The following KHDRBS2 variants were observed in gnomAD, a reference collection of about 807,000 sequenced individuals.
KHDRBS2 encodes the protein KH domain-containing, RNA-binding, signal transduction-associated protein 2.
In KHDRBS2, 26 loss-of-function variants were observed where a neutral mutation model predicts 44.3. That is an observed-to-expected ratio of 0.59 (90% CI 0.43 to 0.81). KHDRBS2 has a LOEUF of 0.81. Ranked by LOEUF, KHDRBS2 falls within the 40% of genes least tolerant of loss-of-function variation. The pLI is 0.00. For missense variants in KHDRBS2, 476 were observed against 433.1 expected (o/e 1.10, Z -0.88); for synonymous variants, 194 against 151.1 (o/e 1.28, Z -2.08).
chr6:61,677,833 C>G (rs1427174452), downstream of KHDRBS2, among the ~76,000 whole-genome samples: 1 of 151,828 alleles, frequency 6.6e-6, no homozygotes, highest in Non-Finnish European at 1.5e-5. Flanking sequence ...ACTGAGACAG[C>G]CTATTCCCCT....
chr6:62,063,203 C>A (rs200686501), intron 2 of KHDRBS2, among the ~76,000 whole-genome samples: 10,482 of 90,580 alleles, frequency 0.12, 395 homozygotes, highest in Middle Eastern at 0.2. Flanking sequence ...CAGAGGTACA[C>A]GGAGGAACTG....
intron 1 of KHDRBS2, among the ~76,000 whole-genome samples, chr6:62,258,329 G>A (rs1585466231): frequency 1.3e-5 from 2 of 152,096 alleles, no homozygotes; most frequent in East Asian, 3.9e-4. Context: ...GTGGTTTAAT[G>A]GTTAATACGG....
chr6:62,076,509 G>T (rs899305217), intron 2 of KHDRBS2, among the ~76,000 whole-genome samples: 1 of 152,028 alleles, frequency 6.6e-6, no homozygotes. Flanking sequence ...GTTGGTTGTA[G>T]TGAAATGTGG....
intron 1 of KHDRBS2, among the ~76,000 whole-genome samples, chr6:62,283,349 C>CTGTCA (rs1205663538): frequency 1.5e-3 from 228 of 152,244 alleles, no homozygotes; most frequent in African/African-American, 5.3e-3. Context: ...TTCAATTCTA[C>CTGTCA]ATGAAGCACT....
At chr6:61,632,952 A>T in the KHDRBS2 span, among the ~76,000 whole-genome samples, 4 of 152,116 alleles carry the variant, frequency 2.6e-5, no homozygotes, top group African/African-American at 9.7e-5. Flanking sequence ...TTTTGAGGTT[A>T]AAAAAAGAAC....
intron 6 of KHDRBS2, among the ~76,000 whole-genome samples, chr6:61,861,252 C>A (rs1460182342): frequency 2.0e-5 from 3 of 152,128 alleles, no homozygotes; most frequent in South Asian, 4.1e-4. Flanking sequence ...GCTTTTGTTG[C>A]AGTTGCTTTT....
intron 6 of KHDRBS2, among the ~76,000 whole-genome samples, chr6:61,807,146 A>T (rs1354057581): frequency 6.6e-6 from 1 of 152,150 alleles, no homozygotes; most frequent in African/African-American, 2.4e-5. Flanking sequence ...CTAAGTCAGA[A>T]TGGCTATTAC....
chr6:61,695,292 C>A (rs1767785866), intron 8 of KHDRBS2, among the ~76,000 whole-genome samples: 1 of 152,102 alleles, frequency 6.6e-6, no homozygotes, highest in Admixed American at 6.6e-5. Context: ...TGTTCTGTTA[C>A]TGGCAAATTG....
intron 2 of KHDRBS2, among the ~76,000 whole-genome samples, chr6:62,117,234 T>C (rs529925027): frequency 6.6e-6 from 1 of 152,250 alleles, no homozygotes; most frequent in Non-Finnish European, 1.5e-5. Context: ...CTACCAGTCT[T>C]TTCATTTTTC....
intron 1 of KHDRBS2, among the ~76,000 whole-genome samples, chr6:62,243,108 T>TG (rs1834959003): frequency 1.3e-5 from 2 of 152,172 alleles, no homozygotes. Flanking sequence ...ACAATGCAAG[T>TG]TGTTCTAGAA....
chr6:61,550,191 G>C, the KHDRBS2 span, among the ~76,000 whole-genome samples: 1 of 151,800 alleles, frequency 6.6e-6, no homozygotes, highest in Non-Finnish European at 1.5e-5. Context: ...TTCAATCCTC[G>C]CCCTCCTCCC....
At position 61,691,364 on chromosome 6, in the gene KHDRBS2, C is replaced by G. The variant is rs116212622; in HGVS notation, c.952+5831G>C. On this transcript the variant is annotated intron_variant, in intron 8 of 8. Coordinates refer to ENST00000281156, the MANE Select transcript of KHDRBS2 (RefSeq NM_152688.4). ...TTAGATATCAATCTAATGGCAACCC[C>G]TGAAATAGCAAAAAGAGAAAGCTAA... 8.7e-3 allele frequency among the ~76,000 whole-genome samples: 1,317 copies of G among 152,112 alleles called. 17 individuals carry two copies. Among genetic ancestry groups the G allele is most frequent in the African/African-American group, 0.03 (1,258 of 41,538 alleles).
chr6:62,083,010 A>T (rs555596012), intron 2 of KHDRBS2, among the ~76,000 whole-genome samples: 49 of 152,280 alleles, frequency 3.2e-4, no homozygotes, highest in African/African-American at 1.2e-3. Context: ...CTAGTAGAAA[A>T]GGGCAGGGTC....
the KHDRBS2 span, among the ~76,000 whole-genome samples, chr6:61,638,315 A>T: frequency 6.6e-6 from 1 of 152,064 alleles, no homozygotes; most frequent in Non-Finnish European, 1.5e-5. Context: ...AGAGATATAG[A>T]TCAATGGAAC....
downstream of KHDRBS2, among the ~76,000 whole-genome samples, chr6:61,675,866 A>G (rs1028919971): frequency 8.6e-5 from 13 of 151,958 alleles, no homozygotes; most frequent in Admixed American, 6.6e-4. Context: ...ACCAAGAGTT[A>G]GAGCATTATC....
At chr6:61,686,836 A>G (rs1766865712) in intron 8 of KHDRBS2, among the ~76,000 whole-genome samples, 1 of 151,326 alleles carries the variant, frequency 6.6e-6, no homozygotes, top group African/African-American at 2.4e-5. Flanking sequence ...TACTTCCCTT[A>G]AATTATATAA....
At chr6:61,883,289 A>G (rs1214300042) in intron 6 of KHDRBS2, among the ~76,000 whole-genome samples, 1 of 152,062 alleles carries the variant, frequency 6.6e-6, no homozygotes, top group Admixed American at 6.6e-5. Context: ...CCCCGTGTCT[A>G]CAGCACAAAT....
rs1459331810 is a variant in KHDRBS2 at position 62,057,402 on chromosome 6, T to A, written c.220-9408A>T. Among the ~76,000 whole-genome samples the A allele has an allele frequency of 3.3e-5, 5 of 151,982 alleles. No individual in the cohort carries two copies. The East Asian group carries it at 9.7e-4, about 30-fold the overall frequency. ...TGGTTACATATTTCTGATGCTGTTC[T>A]TAGTTCTTGGAAATTTATTTTAAGA... On this transcript the variant is annotated intron_variant, in intron 2 of 8. Transcript: ENST00000281156.
In KHDRBS2 at chr6:62,286,087, C is replaced by A; in HGVS notation, c.-139G>T. On this transcript the variant is annotated 5_prime_UTR_variant, in exon 1 of 9. The change abolishes an upstream ATG in the 5' untranslated region. Coordinates refer to ENST00000281156, the MANE Select transcript of KHDRBS2 (RefSeq NM_152688.4). ...GGATCTCTGTGCGTCCTCACTGGCC[C>A]ATGCACCCAGCACCTGCGACTCCCG... 1.6e-6 allele frequency: 1 copy of A among 631,852 alleles called. No individual in the cohort carries two copies. 39.1% of individuals were successfully genotyped at this position (631,852 alleles called of 1,614,324 possible).
Sources: allele counts gnomAD v4.1 joint callset (sites outside exome capture counted in the v4.1 genomes callset), GRCh38; gene constraint gnomAD v4.1.1; transcripts MANE v1.5; gene names NCBI Gene and HGNC (gene_info 2026-07-23, HGNC 2026-07-21).